Variants in PKD1 observed in about 807,000 individuals in gnomAD.
PKD1 encodes the protein polycystin 1, transient receptor potential channel interacting.
PKD1 carries 81 observed loss-of-function variants against 361.7 expected under a neutral mutation model. That is an observed-to-expected ratio of 0.22 (90% CI 0.19 to 0.27). The LOEUF (loss-of-function observed/expected upper bound fraction) is 0.27, where lower values mean the gene tolerates loss of function less well. Among genes scored for constraint, PKD1 ranks in the 10% least tolerant of loss-of-function variants. The pLI is 1.00. For missense variants in PKD1, 6,399 were observed against 6,118.3 expected (o/e 1.05, Z -1.53); for synonymous variants, 3,615 against 2,818.3 (o/e 1.28, Z -8.95).
In PKD1 at chr16:2,108,844, G is replaced by C; in HGVS notation, c.6323C>G (p.Pro2108Arg). ...CCTCAGGTAGGAGTGCTCGGCCCTGGGCTCATCTGTGTCCTGCCCTGGCGA... is the reference window on the plus strand; with the variant it reads ...CCTCAGGTAGGAGTGCTCGGCCCTGCGCTCATCTGTGTCCTGCCCTGGCGA... ...DGSPGQDTDE[P>R]RAEHSYLRPG... Residue 2108 changes from proline (P) to arginine (R), a missense_variant, in exon 15 of 46, where the codon CCC becomes CGC. Coordinates refer to ENST00000262304, the MANE Select transcript of PKD1 (RefSeq NM_001009944.3). 6.4e-7 allele frequency: 1 copy of C among 1,572,504 alleles called. No homozygotes were observed. The highest frequency in any genetic ancestry group is 8.6e-7 in the Non-Finnish European group (1 of 1,160,142).
chr16:2,095,862 T>C (rs2091824829), intron 34 of PKD1, among the ~76,000 whole-genome samples: 1 of 152,222 alleles, frequency 6.6e-6, no homozygotes, highest in African/African-American at 2.4e-5. Context: ...GGGCCGGAGA[T>C]ACCTGGGGCT....
chr16:2,099,435 C>G (rs2151737100), intron 30 of PKD1: 1 of 667,668 alleles, frequency 1.5e-6, no homozygotes, highest in East Asian at 2.9e-5. Flanking sequence ...GCAAAGTGCC[C>G]TCGTTCTTTC....
intron 34 of PKD1, among the ~76,000 whole-genome samples, chr16:2,096,408 G>C (rs1261047341): frequency 6.6e-6 from 1 of 152,278 alleles, no homozygotes; most frequent in Non-Finnish European, 1.5e-5. Context: ...CACGCCGTGG[G>C]TGCGCTCCGC....
At chr16:2,101,774 C>T (rs1479628641) in intron 26 of PKD1, among the ~76,000 whole-genome samples, 1 of 152,264 alleles carries the variant, frequency 6.6e-6, no homozygotes, top group South Asian at 2.1e-4. Context: ...TGCACAGTCT[C>T]CCACAGTGGT....
chr16:2,097,993 C>T lies in PKD1; in HGVS notation c.10051-9G>A, dbSNP rs541480160. ...CTCGGGCTCCCAGCCACCTGCAGGA[C>T]GAGGGCAGTGGTCAGCGGGCGGCAG... On this transcript the variant is annotated splice_polypyrimidine_tract_variant and intron_variant, in intron 30 of 45. Transcript: ENST00000262304. 6.6e-5 allele frequency: 102 copies of T among 1,536,670 alleles called. No individual in the cohort carries two copies. In the Middle Eastern group the frequency reaches 1.2e-3, roughly 18 times the overall value.
In PKD1 at chr16:2,110,133, G is replaced by A. The variant is rs2092461216; in HGVS notation, c.5034C>T (p.Gly1678=). 25 of 1,608,948 alleles carry A rather than the reference G, an allele frequency of 1.6e-5. No homozygotes were observed. Among genetic ancestry groups the A allele is most frequent in the East Asian group, 1.3e-4 (6 of 44,828 alleles). ...AWRDRGPALA[G]SGKGFSLTVL... ...CGGTGAGCGAGAAGCCTTTGCCGCT[G>A]CCGGCCAGGGCCGGGCCCCTGTCCC... Residue 1678 remains glycine (G), a synonymous_variant, in exon 15 of 46, where the codon GGC becomes GGT. Transcript: ENST00000262304.
chr16:2,115,637 G>A lies in PKD1; in HGVS notation c.1850-12C>T, dbSNP rs746430482. The A allele has an allele frequency of 2.5e-6, 4 of 1,596,668 alleles. No individual in the cohort carries two copies. The highest frequency in any genetic ancestry group is 3.4e-6 in the Non-Finnish European group (4 of 1,176,092). On this transcript the variant is annotated splice_polypyrimidine_tract_variant and intron_variant, in intron 9 of 45. Coordinates refer to ENST00000262304, the MANE Select transcript of PKD1 (RefSeq NM_001009944.3). The stretch of plus-strand genomic sequence containing the variant: ...GTTCTCCGGGGTCCCTGTGAGGAGG[G>A]GAGGGTGTTGGGGCCCTGATTTGCC...
chr16:2,115,637 G>C lies in PKD1; in HGVS notation c.1850-12C>G, dbSNP rs746430482. 1.3e-6 allele frequency: 2 copies of C among 1,596,550 alleles called. No individual in the cohort carries two copies. The highest frequency in any genetic ancestry group is 2.7e-5 in the African/African-American group (2 of 74,482). ...GTTCTCCGGGGTCCCTGTGAGGAGG[G>C]GAGGGTGTTGGGGCCCTGATTTGCC... is the stretch of plus-strand genomic sequence containing the variant. On this transcript the variant is annotated splice_polypyrimidine_tract_variant and intron_variant, in intron 9 of 45. Coordinates refer to ENST00000262304, the MANE Select transcript of PKD1 (RefSeq NM_001009944.3).
chr16:2,102,763 C>T lies in PKD1; in HGVS notation c.8948+51G>A, dbSNP rs775363172. Reference sequence around the variant, plus strand: ...CATGGGGCCAGTAACCCAGGCAATGCTGACCCATGATGCCCTGCCCTGCCC... The same window carrying T: ...CATGGGGCCAGTAACCCAGGCAATGTTGACCCATGATGCCCTGCCCTGCCC... On this transcript the variant is annotated intron_variant, in intron 24 of 45. Transcript: ENST00000262304. 1.2e-5 allele frequency: 20 copies of T among 1,608,358 alleles called. No individual in the cohort carries two copies. In the East Asian group the frequency reaches 4.5e-4, roughly 36 times the overall value.
rs764507987 is a variant in PKD1 at position 2,090,303 on chromosome 16, G to C, written c.12426C>G (p.Gly4142=). Residue 4142 remains glycine, a synonymous_variant, in exon 45 of 46, where the codon GGC becomes GGG. Transcript: ENST00000262304. ...TACCCACCTCCTTGACCTTGCTGAGGCCCATCCAGAGGCGCAGCCTGCGCA... is the reference window on the plus strand; with the variant it reads ...TACCCACCTCCTTGACCTTGCTGAGCCCCATCCAGAGGCGCAGCCTGCGCA... ...LFLRRLRLWM[G]LSKVKEFRHK... 6.2e-7 allele frequency: 1 copy of C among 1,610,740 alleles called. No homozygotes were observed. Among genetic ancestry groups the C allele is most frequent in the Admixed American group, 1.7e-5 (1 of 59,912 alleles).
chr16:2,130,678 A>G (rs949541396), intron 1 of PKD1, among the ~76,000 whole-genome samples: 3 of 152,208 alleles, frequency 2.0e-5, no homozygotes, highest in African/African-American at 7.2e-5. Flanking sequence ...GCTCTAAGGC[A>G]TCAGGCCTAG....
rs1338030673 is a variant in PKD1 at position 2,114,315 on chromosome 16, C to T, written c.2708G>A (p.Ser903Asn). 1 of 1,610,590 alleles carries T rather than the reference C, an allele frequency of 6.2e-7. No homozygotes were observed. The highest frequency in any genetic ancestry group is 8.5e-7 in the Non-Finnish European group (1 of 1,179,714). ...LFSVVALPWL[S>N]EGEHVVDVVV... is the part of the protein sequence containing the mutation. Reference sequence around the variant, plus strand: ...CACGTCCACCACGTGCTCCCCCTCACTGAGCCACGGCAGTGCTACCACTGA... The same window carrying T: ...CACGTCCACCACGTGCTCCCCCTCATTGAGCCACGGCAGTGCTACCACTGA... Residue 903 changes from serine (S) to asparagine (N), a missense_variant, in exon 11 of 46, where the codon AGT (serine) becomes AAT (asparagine). By Grantham distance (46) the Ser-to-Asn change is conservative. Coordinates refer to ENST00000262304, the MANE Select transcript of PKD1 (RefSeq NM_001009944.3).
intron 1 of PKD1, among the ~76,000 whole-genome samples, chr16:2,125,162 G>T (rs572364858): frequency 1.3e-5 from 2 of 152,360 alleles, no homozygotes; most frequent in South Asian, 2.1e-4. Flanking sequence ...GGCCGGAAAT[G>T]ATCCTGTTTA....
rs1044788614 is a variant in PKD1, at chr16:2,089,565, C to T, written c.*162G>A. On this transcript the variant is annotated 3_prime_UTR_variant, in exon 46 of 46. Transcript: ENST00000262304. ...TGGGTCCTGGTTGGCCACACAGCCT[C>T]TTTAAAGTGCTGAAGCCCACAGACA... The T allele has an allele frequency of 7.8e-6, 7 of 900,998 alleles. No individual in the cohort carries two copies. Among genetic ancestry groups the T allele is most frequent in the African/African-American group, 1.6e-5 (1 of 60,656 alleles). 55.8% of individuals were successfully genotyped at this position (900,998 alleles called of 1,614,324 possible).
intron 34 of PKD1, chr16:2,094,657 A>T: frequency 4.2e-6 from 1 of 238,556 alleles, no homozygotes; most frequent in Admixed American, 5.2e-5. Flanking sequence ...AAACATATGA[A>T]TGCCTTTCAA....
At position 2,116,539 on chromosome 16, in the gene PKD1, T is replaced by C. The variant is rs763858333; in HGVS notation, c.1712A>G (p.Glu571Gly). The C allele has an allele frequency of 2.7e-5, 41 of 1,537,984 alleles. 1 individual carries two copies. The South Asian group carries it at 4.7e-4, about 18-fold the overall frequency. The change falls in exon 8 of 46, where the codon GAG becomes GGG. Residue 571 changes from glutamate to glycine, a missense_variant. Coordinates refer to ENST00000262304, the MANE Select transcript of PKD1 (RefSeq NM_001009944.3). The stretch of plus-strand genomic sequence containing the variant: ...TGGGGGGCCGACTACCTCCACGGGC[T>C]CGTGCGGGGCTGAGAGGCCGTCCTG... ...AQQDGLSAPHEPVEVMVFPGL... is the reference protein window; with the variant it reads ...AQQDGLSAPHGPVEVMVFPGL...
chr16:2,089,604 G>A lies in PKD1; in HGVS notation c.*123C>T, dbSNP rs978742004. 4.6e-5 allele frequency: 57 copies of A among 1,229,516 alleles called. No homozygotes were observed. The highest frequency in any genetic ancestry group is 6.1e-5 in the Non-Finnish European group (53 of 872,884). The allele number at this position is 1,229,516 out of a possible 1,614,324, so 76.2% of individuals were successfully genotyped here. A position where few individuals can be genotyped will look rare whatever the true frequency, so the allele number is the denominator to read the frequency against. Reference sequence around the variant, plus strand: ...AGCCCACAGACAGACAGATGCCCCTGCCTGCTCTCTGGGGAACCTACGTGC... The same window carrying A: ...AGCCCACAGACAGACAGATGCCCCTACCTGCTCTCTGGGGAACCTACGTGC... On this transcript the variant is annotated 3_prime_UTR_variant, in exon 46 of 46. Coordinates refer to ENST00000262304, the MANE Select transcript of PKD1 (RefSeq NM_001009944.3).
At chr16:2,130,643 A>G (rs1347395178) in intron 1 of PKD1, among the ~76,000 whole-genome samples, 1 of 152,194 alleles carries the variant, frequency 6.6e-6, no homozygotes, top group Non-Finnish European at 1.5e-5. Flanking sequence ...CAGCCCCCCA[A>G]GGAAGCTGTG....
chr16:2,122,399 C>T (rs1185071624), intron 1 of PKD1, among the ~76,000 whole-genome samples: 7 of 152,190 alleles, frequency 4.6e-5, no homozygotes, highest in South Asian at 2.1e-4. Flanking sequence ...ACGGCCCCTC[C>T]GGCAGGGCCA....
Sources: allele counts gnomAD v4.1 joint callset (sites outside exome capture counted in the v4.1 genomes callset), GRCh38; gene constraint gnomAD v4.1.1; transcripts MANE v1.5; gene names NCBI Gene and HGNC (gene_info 2026-07-23, HGNC 2026-07-21).